Variants in ZNF397 observed in about 807,000 individuals in gnomAD.
ZNF397 encodes the protein zinc finger and SCAN domain-containing protein 15.
ZNF397 carries 38 observed loss-of-function variants against 50.6 expected under a neutral mutation model. The ratio of observed to expected loss-of-function variants is 0.75; its 90% CI spans 0.58 to 0.98. The LOEUF (loss-of-function observed/expected upper bound fraction) is 0.98, where lower values mean the gene tolerates loss of function less well. Among genes scored for constraint, ZNF397 ranks in the 50% least tolerant of loss-of-function variants. ZNF397 has a pLI of 0.00. For synonymous variants in ZNF397, 228 were observed against 215.2 expected, an observed-to-expected ratio of 1.06 and a Z score of -0.52; for missense variants, 624 against 624.1, an observed-to-expected ratio of 1.00 and a Z score of 0.00.
downstream of ZNF397, chr18:35,252,047 A>G (rs1001297989): frequency 1.3e-5 from 2 of 152,194 alleles, no homozygotes; most frequent in East Asian, 3.9e-4. Context: ...TGGCATGAAG[A>G]TAAGATAGGA....
chr18:35,243,181 G>A lies in ZNF397; in HGVS notation c.444G>A (p.Val148=), dbSNP rs1912650495. 6.2e-7 allele frequency: 1 copy of A among 1,614,176 alleles called. No individual in the cohort carries two copies. Among genetic ancestry groups the A allele is most frequent in the Non-Finnish European group, 8.5e-7 (1 of 1,180,040 alleles). Residue 148 remains valine (V), a synonymous_variant, in exon 3 of 4, where the codon GTG becomes GTA. Coordinates refer to ENST00000330501, the MANE Select transcript of ZNF397 (RefSeq NM_001135178.3). ...QVPASPQGPA[V]PWKDLTCLRA... ...CAGCTAGTCCACAGGGACCAGCAGT[G>A]CCATGGAAGGATTTAACATGTCTCA...
chr18:35,254,047 A>C (rs373474223), downstream of ZNF397: 110 of 1,614,168 alleles, frequency 6.8e-5, no homozygotes, highest in East Asian at 1.5e-3. Context: ...GCTTTTCCCT[A>C]GTGTCAACGC....
Position 35,246,369 on chromosome 18 carries a change from A to G in ZNF397, c.*59A>G, listed in dbSNP as rs754949402. On this transcript the variant is annotated 3_prime_UTR_variant, in exon 4 of 4. Coordinates refer to ENST00000330501, the MANE Select transcript of ZNF397 (RefSeq NM_001135178.3). ...GTCAGATTTTTAAGTTTGTTAGTCA[A>G]AAGAGTTTACTTTGGAGCAAAACTC... 1 of 1,468,500 alleles carries G rather than the reference A, an allele frequency of 6.8e-7. No homozygotes were observed. Among genetic ancestry groups the G allele is most frequent in the South Asian group, 1.5e-5 (1 of 68,370 alleles). 91.0% of individuals were successfully genotyped at this position (1,468,500 alleles called of 1,614,324 possible). A position where few individuals can be genotyped will look rare whatever the true frequency, so the allele number is the denominator to read the frequency against.
rs1370811693 is a variant in ZNF397, at chr18:35,248,175, A to C, written c.*1865A>C. ...AGACCTAATAGGTCAGAAGAATAAC[A>C]TACCACACCAAAAACAAATCTGTAT... On this transcript the variant is annotated 3_prime_UTR_variant, in exon 4 of 4. Transcript: ENST00000330501. 2.6e-5 allele frequency: 4 copies of C among 152,240 alleles called. No individual in the cohort carries two copies. Among genetic ancestry groups the C allele is most frequent in the Non-Finnish European group, 4.4e-5 (3 of 68,038 alleles). The allele number at this position is 152,240 out of a possible 1,614,324, so 9.4% of individuals were successfully genotyped here.
exon 6 of ZNF397, chr18:35,258,093 G>A (rs1457299260): frequency 1.4e-6 from 1 of 725,158 alleles, no homozygotes; most frequent in Non-Finnish European, 2.5e-6. Flanking sequence ...TATCACAGTG[G>A]GCCTCTCCAA....
intron 3 of ZNF397, among the ~76,000 whole-genome samples, chr18:35,244,375 A>G (rs1030005252): frequency 2.6e-5 from 4 of 152,232 alleles, no homozygotes; most frequent in African/African-American, 9.6e-5. Flanking sequence ...GAAATATTCA[A>G]AAGTAAAATG....
rs774583522 is a variant in ZNF397, at chr18:35,242,713, A to C, written c.243A>C (p.Pro81=). The change falls in exon 2 of 4, where the codon CCA becomes CCC. Residue 81 remains proline, a synonymous_variant. Transcript: ENST00000330501. ...AACTTTGCTATCAGTGGCTAATGCC[A>C]GAGTTGCACACAAAGGAGCAGATCT... The part of the protein sequence containing the change: ...LQELCYQWLM[P]ELHTKEQILE... 3 of 1,614,264 alleles carry C rather than the reference A, an allele frequency of 1.9e-6. No homozygotes were observed. The South Asian group carries it at 3.3e-5, about 18-fold the overall frequency.
downstream of ZNF397, chr18:35,253,080 C>T (rs1227030311): frequency 5.7e-6 from 1 of 175,562 alleles, no homozygotes; most frequent in Non-Finnish European, 1.2e-5. Context: ...GCACATTTGC[C>T]ATCTTATAAG....
downstream of ZNF397, chr18:35,251,301 T>TA (rs542590899): frequency 5.3e-5 from 8 of 152,272 alleles, no homozygotes; most frequent in South Asian, 2.1e-4. Context: ...TACCAACACT[T>TA]ACAATTCACA....
In ZNF397 at chr18:35,246,918, T is replaced by A; in HGVS notation, c.*608T>A. The A allele has an allele frequency of 4.4e-6, 4 of 917,030 alleles. No individual in the cohort carries two copies. The highest frequency in any genetic ancestry group is 5.2e-6 in the Non-Finnish European group (4 of 767,496). 56.8% of individuals were successfully genotyped at this position (917,030 alleles called of 1,614,324 possible). On this transcript the variant is annotated 3_prime_UTR_variant, in exon 4 of 4. Transcript: ENST00000330501. Reference sequence around the variant, plus strand: ...TACAGTGGAAAACAAGACTGTAGTCTCTACAGTCTAATGGGCAAGGCAGCC... The same window carrying A: ...TACAGTGGAAAACAAGACTGTAGTCACTACAGTCTAATGGGCAAGGCAGCC...
In ZNF397 at chr18:35,243,288, A is replaced by C. The variant is rs1302814592; in HGVS notation, c.551A>C (p.Lys184Thr). The change falls in exon 3 of 4, where the codon AAA becomes ACA. Residue 184 changes from lysine to threonine, a missense_variant. Physicochemically the swap from Lys to Thr is moderately conservative, Grantham distance 78. Transcript: ENST00000330501. ...LKSWKPCLSP[K>T]SDCENSETAT... ...TCCTGGAAACCATGCCTTTCCCCTAAAAGTGGTGAGGAATGGGAAATCATC... is the reference window on the plus strand; with the variant it reads ...TCCTGGAAACCATGCCTTTCCCCTACAAGTGGTGAGGAATGGGAAATCATC... 3 of 1,614,072 alleles carry C rather than the reference A, an allele frequency of 1.9e-6. No homozygotes were observed. Among genetic ancestry groups the C allele is most frequent in the Non-Finnish European group, 2.5e-6 (3 of 1,180,044 alleles).
intron 5 of ZNF397, among the ~76,000 whole-genome samples, chr18:35,256,584 A>G: frequency 6.6e-6 from 1 of 152,136 alleles, no homozygotes; most frequent in Non-Finnish European, 1.5e-5. Flanking sequence ...AGAAATGGTC[A>G]CTTGATTATT....
chr18:35,245,454 A>G lies in ZNF397; in HGVS notation c.749A>G (p.Asn250Ser). The change falls in exon 4 of 4, where the codon AAC becomes AGC. Residue 250 changes from asparagine to serine, a missense_variant. Transcript: ENST00000330501. The part of the protein sequence containing the change: ...GGSFSQVIFT[N>S]KSLGKRDLYD... ...AGTTTTAGTCAAGTGATCTTCACAA[A>G]CAAATCTCTAGGAAAGAGAGACCTT... The G allele has an allele frequency of 6.4e-7, 1 of 1,555,094 alleles. No individual in the cohort carries two copies. The highest frequency in any genetic ancestry group is 8.7e-7 in the Non-Finnish European group (1 of 1,148,650).
Position 35,246,186 on chromosome 18 carries a change from C to T in ZNF397, c.1481C>T (p.Ser494Leu), listed in dbSNP as rs1439688158. ...TGTGGCAAAACTTTCAAAAGGAGCT[C>T]AGCCCTTGTTCAGCATCAGAGAATT... ...NECGKTFKRS[S>L]ALVQHQRIHS... The change falls in exon 4 of 4, where the codon TCA becomes TTA. Residue 494 changes from serine (S) to leucine (L), a missense_variant. Ser to Leu is a moderately radical substitution (Grantham distance 145). Transcript: ENST00000330501. The T allele has an allele frequency of 6.4e-7, 1 of 1,551,958 alleles. No individual in the cohort carries two copies. The highest frequency in any genetic ancestry group is 8.7e-7 in the Non-Finnish European group (1 of 1,147,052).
chr18:35,253,519 AC>A, downstream of ZNF397: 1 of 1,612,706 alleles, frequency 6.2e-7, no homozygotes, highest in Non-Finnish European at 8.5e-7. Flanking sequence ...TTCTACATTC[AC>A]TACATTCATA....
intron 2 of ZNF397, 50 bp from the exon 3 acceptor site, chr18:35,243,102 G>A (rs374890872): frequency 6.2e-7 from 1 of 1,610,324 alleles, no homozygotes; most frequent in Non-Finnish European, 8.5e-7. Context: ...TACTAAGCAA[G>A]TTTTCTTAGG....
chr18:35,258,263 G>A (rs1288566589), exon 6 of ZNF397: 4 of 408,130 alleles, frequency 9.8e-6, no homozygotes, highest in South Asian at 3.0e-5. Context: ...CGCATAAATG[G>A]AGAACGAGTA....
intron 5 of ZNF397, among the ~76,000 whole-genome samples, chr18:35,257,665 C>T (rs2043881944): frequency 6.6e-6 from 1 of 152,204 alleles, no homozygotes; most frequent in African/African-American, 2.4e-5. Flanking sequence ...GCAGTCCTAA[C>T]CGATTAAGAC....
rs565006192 is a variant in ZNF397, at chr18:35,249,295, G to A, written c.*2985G>A. On this transcript the variant is annotated 3_prime_UTR_variant, in exon 4 of 4. Coordinates refer to ENST00000330501, the MANE Select transcript of ZNF397 (RefSeq NM_001135178.3). ...AGCATTGCCTTTTGACTTTGAAATT[G>A]TACCTGGAAATGTATGTTTCAGTAA... 4 of 152,214 alleles carry A rather than the reference G, an allele frequency of 2.6e-5. No individual in the cohort carries two copies. Among genetic ancestry groups the A allele is most frequent in the Admixed American group, 2.6e-4 (4 of 15,294 alleles). The allele number at this position is 152,214 out of a possible 1,614,324, so 9.4% of individuals were successfully genotyped here.
Sources: allele counts gnomAD v4.1 joint callset (sites outside exome capture counted in the v4.1 genomes callset), GRCh38; gene constraint gnomAD v4.1.1; transcripts MANE v1.5; gene names NCBI Gene and HGNC (gene_info 2026-07-23, HGNC 2026-07-21).